The following PITPNC1 variants were observed in gnomAD, a reference collection of about 807,000 sequenced individuals.
PITPNC1 encodes the protein cytoplasmic phosphatidylinositol transfer protein 1.
A neutral mutation model predicts 44.7 loss-of-function variants in PITPNC1; 18 were observed. The ratio of observed to expected loss-of-function variants is 0.40; its 90% CI spans 0.28 to 0.60. The LOEUF (loss-of-function observed/expected upper bound fraction) is 0.60, where lower values mean the gene tolerates loss of function less well. PITPNC1 is among the 20% of genes least tolerant of loss of function. The pLI, the probability that PITPNC1 is intolerant of heterozygous loss-of-function variation, is 0.39. For synonymous variants in PITPNC1, 141 were observed against 149.6 expected (o/e 0.94, Z 0.42); for missense variants, 290 against 418.4 (o/e 0.69, Z 2.68).
intron 5 of PITPNC1, among the ~76,000 whole-genome samples, chr17:67,609,966 T>C (rs1474925533): frequency 6.6e-6 from 1 of 152,148 alleles, no homozygotes; most frequent in African/African-American, 2.4e-5. Context: ...ACTAAACCCA[T>C]ATCTCCCACA....
chr17:67,419,770 G>T (rs896518724), intron 1 of PITPNC1, among the ~76,000 whole-genome samples: 1 of 152,106 alleles, frequency 6.6e-6, no homozygotes, highest in African/African-American at 2.4e-5. Context: ...GTCGGGTATG[G>T]TGGCAAGCAC....
At chr17:67,539,351 A>T (rs1379487619) in intron 2 of PITPNC1, among the ~76,000 whole-genome samples, 1 of 152,202 alleles carries the variant, frequency 6.6e-6, no homozygotes, top group Admixed American at 6.5e-5. Flanking sequence ...ACACAAGGAG[A>T]CATTTACCAG....
chr17:67,454,384 C>G (rs1332162451), intron 1 of PITPNC1, among the ~76,000 whole-genome samples: 1 of 152,130 alleles, frequency 6.6e-6, no homozygotes, highest in African/African-American at 2.4e-5. Flanking sequence ...CTTTGGTTTC[C>G]TGATCTATAA....
chr17:67,660,084 G>A lies in PITPNC1; in HGVS notation c.463-9424G>A, dbSNP rs374124638. On this transcript the variant is annotated intron_variant, in intron 6 of 8. Coordinates refer to ENST00000581322, the MANE Select transcript of PITPNC1 (RefSeq NM_012417.4). ...TATAGTAGAGACAGGGTTTTGCCAT[G>A]TGGCCCAGGCTGGTCTTAAACTCCT... 9.9e-5 allele frequency among the ~76,000 whole-genome samples: 15 copies of A among 152,258 alleles called. No homozygotes were observed. The East Asian group carries it at 1.2e-3, about 12-fold the overall frequency.
intron 1 of PITPNC1, among the ~76,000 whole-genome samples, chr17:67,414,795 G>T (rs2038562781): frequency 2.0e-5 from 3 of 152,148 alleles, no homozygotes; most frequent in Admixed American, 2.0e-4. Flanking sequence ...CAAAGGGGAA[G>T]GTCCAGTTGA....
intron 1 of PITPNC1, among the ~76,000 whole-genome samples, chr17:67,412,331 A>G (rs1012589950): frequency 4.6e-5 from 7 of 152,156 alleles, no homozygotes; most frequent in Non-Finnish European, 7.4e-5. Flanking sequence ...AATTCCAAGT[A>G]GATACTGACA....
intron 1 of PITPNC1, among the ~76,000 whole-genome samples, chr17:67,497,167 T>C (rs1373459041): frequency 1.3e-5 from 2 of 152,042 alleles, no homozygotes; most frequent in African/African-American, 4.8e-5. Flanking sequence ...ATAAAACTTA[T>C]CTATGTTTTT....
chr17:67,625,388 G>A (rs572729431), intron 5 of PITPNC1, among the ~76,000 whole-genome samples: 165 of 152,218 alleles, frequency 1.1e-3, no homozygotes, highest in Non-Finnish European at 9.9e-4. Context: ...GCATCCTAAC[G>A]TGACCTCAGC....
chr17:67,485,601 C>T lies in PITPNC1; in HGVS notation c.49-47201C>T, dbSNP rs143045467. On this transcript the variant is annotated intron_variant, in intron 1 of 8. Coordinates refer to ENST00000581322, the MANE Select transcript of PITPNC1 (RefSeq NM_012417.4). The stretch of plus-strand genomic sequence containing the variant: ...GCTGGTCTCTATCCACCCACCTCAG[C>T]CTCCCAAAGTGCTGGGATTACTGGT... 2.0e-3 allele frequency among the ~76,000 whole-genome samples: 302 copies of T among 152,088 alleles called. 2 individuals carry two copies. Among genetic ancestry groups the T allele is most frequent in the African/African-American group, 6.6e-3 (275 of 41,488 alleles).
At chr17:67,435,650 G>A (rs998285068) in intron 1 of PITPNC1, among the ~76,000 whole-genome samples, 19 of 152,150 alleles carry the variant, frequency 1.2e-4, no homozygotes, top group Non-Finnish European at 2.5e-4. Flanking sequence ...TCAGGAGTTC[G>A]AGATCAGCTT....
At chr17:67,425,148 A>C (rs954485758) in intron 1 of PITPNC1, among the ~76,000 whole-genome samples, 1 of 149,518 alleles carries the variant, frequency 6.7e-6, no homozygotes, top group African/African-American at 2.5e-5. Context: ...TTTCGGACTC[A>C]GCCCGCCTGC....
intron 6 of PITPNC1, among the ~76,000 whole-genome samples, chr17:67,634,063 A>T (rs1196670395): frequency 2.0e-5 from 3 of 152,102 alleles, no homozygotes; most frequent in Non-Finnish European, 2.9e-5. Context: ...CCCCCAAAGA[A>T]CCTCCACTAG....
At chr17:67,631,657 A>T (rs865811728) in intron 5 of PITPNC1, among the ~76,000 whole-genome samples, 1,784 of 7,000 alleles carry the variant, frequency 0.25, 394 homozygotes, top group Middle Eastern at 0.42. Flanking sequence ...AAAAAAAAAA[A>T]ATATATATAT....
At position 67,597,500 on chromosome 17, in the gene PITPNC1, G is replaced by A. The variant is rs2041475429; in HGVS notation, c.366+19243G>A. Among the ~76,000 whole-genome samples, 1 of 152,106 alleles carries A rather than the reference G, an allele frequency of 6.6e-6. No individual in the cohort carries two copies. Among genetic ancestry groups the A allele is most frequent in the African/African-American group, 2.4e-5 (1 of 41,428 alleles). ...ATACGGGAGGTGGAGGTTGCAGTGA[G>A]CTGAGATCATGCTGCTGTACTCCAG... On this transcript the variant is annotated intron_variant, in intron 5 of 8. Coordinates refer to ENST00000581322, the MANE Select transcript of PITPNC1 (RefSeq NM_012417.4). This position sits in a 1 kb window ranked among gnomAD's most constrained non-coding sequence, Gnocchi z 4.0.
rs570532543 is a variant in PITPNC1, at chr17:67,535,516, A to G, written c.197+2566A>G. 8.5e-5 allele frequency among the ~76,000 whole-genome samples: 13 copies of G among 152,368 alleles called. No individual in the cohort carries two copies. The South Asian group carries it at 2.7e-3, about 32-fold the overall frequency. On this transcript the variant is annotated intron_variant, in intron 2 of 8. Transcript: ENST00000581322. ...TTGTAAGTTTTGCTGAAACACAATA[A>G]GAGGCATCCAGCTCTCCCTGTCATG...
chr17:67,392,650 G>A (rs1379843378), intron 1 of PITPNC1, among the ~76,000 whole-genome samples: 2 of 152,018 alleles, frequency 1.3e-5, no homozygotes, highest in African/African-American at 4.8e-5. Context: ...ATGAAAAAAA[G>A]CACCCCTAAA....
chr17:67,392,281 C>T (rs963438423), intron 1 of PITPNC1, among the ~76,000 whole-genome samples: 1 of 152,176 alleles, frequency 6.6e-6, no homozygotes, highest in East Asian at 1.9e-4. Context: ...TAGATTTACC[C>T]TTCCATCCAA....
chr17:67,670,744 C>G (rs1304804883), intron 7 of PITPNC1, among the ~76,000 whole-genome samples: 2 of 120,982 alleles, frequency 1.7e-5, no homozygotes, highest in Non-Finnish European at 3.2e-5. Flanking sequence ...GAGCAAGACT[C>G]CATCTCAAAA....
At chr17:67,407,999 A>G (rs985925811) in intron 1 of PITPNC1, among the ~76,000 whole-genome samples, 12 of 151,724 alleles carry the variant, frequency 7.9e-5, no homozygotes, top group Non-Finnish European at 1.5e-4. Flanking sequence ...TCTGTTGCCC[A>G]GGCTGGAGTG....
Sources: allele counts gnomAD v4.1 joint callset (sites outside exome capture counted in the v4.1 genomes callset), GRCh38; gene constraint gnomAD v4.1.1; non-coding constraint Gnocchi (gnomAD v3.1); transcripts MANE v1.5; gene names NCBI Gene and HGNC (gene_info 2026-07-23, HGNC 2026-07-21).